The following MAP3K1 variants were observed in gnomAD, a reference collection of about 807,000 sequenced individuals.
MAP3K1 encodes mitogen-activated protein kinase kinase kinase 1, also known as MAP/ERK kinase kinase 1.
MAP3K1 carries 36 observed loss-of-function variants against 144.2 expected under a neutral mutation model. The ratio of observed to expected loss-of-function variants is 0.25; its 90% CI spans 0.19 to 0.33. The LOEUF (loss-of-function observed/expected upper bound fraction) is 0.33. MAP3K1 is among the 10% of genes least tolerant of loss of function. MAP3K1 has a pLI of 1.00. For missense variants in MAP3K1, 1,650 were observed against 1,881.9 expected, an observed-to-expected ratio of 0.88 and a Z score of 2.28; for synonymous variants, 718 against 688.7, an observed-to-expected ratio of 1.04 and a Z score of -0.67.
At chr5:56,841,434 T>C (rs1358564100) in intron 1 of MAP3K1, among the ~76,000 whole-genome samples, 1 of 152,176 alleles carries the variant, frequency 6.6e-6, no homozygotes, top group African/African-American at 2.4e-5. Flanking sequence ...CATACTGATA[T>C]ACTGCCTGAG....
chr5:56,816,735 C>T (rs1745986777), intron 1 of MAP3K1, among the ~76,000 whole-genome samples: 1 of 152,204 alleles, frequency 6.6e-6, no homozygotes, highest in African/African-American at 2.4e-5. Flanking sequence ...GGAGGCTGCA[C>T]ACTCGCGGAG....
chr5:56,876,213 G>A (rs1440300520), intron 10 of MAP3K1, among the ~76,000 whole-genome samples: 6 of 152,092 alleles, frequency 3.9e-5, no homozygotes. Context: ...TGTGTGTACT[G>A]TGGCAGCATC....
chr5:56,846,342 A>G (rs1265575588), intron 1 of MAP3K1, among the ~76,000 whole-genome samples: 1 of 152,206 alleles, frequency 6.6e-6, no homozygotes, highest in Non-Finnish European at 1.5e-5. Context: ...TATTGGCTTC[A>G]TTCTAGTCCA....
rs372575885 is a variant in MAP3K1 at position 56,864,793 on chromosome 5, A to G, written c.894A>G (p.Pro298=). ...RRAPSPDGFS[P]YSPEETNRRV... ...CCCCTTCACCAGATGGCTTCTCACC[A>G]TATAGCCCTGAGGAAACAAACCGCC... is the stretch of plus-strand genomic sequence containing the variant. Residue 298 remains proline (P), a synonymous_variant, in exon 4 of 20, where the codon CCA becomes CCG. Transcript: ENST00000399503. The G allele has an allele frequency of 1.2e-4, 189 of 1,614,026 alleles. 1 individual carries two copies. The highest frequency in any genetic ancestry group is 6.4e-5 in the Non-Finnish European group (76 of 1,180,032).
rs184085489 is a variant in MAP3K1, at chr5:56,821,932, T to C, written c.482+5877T>C. 9.2e-5 allele frequency among the ~76,000 whole-genome samples: 14 copies of C among 152,362 alleles called. No homozygotes were observed. The East Asian group carries it at 2.1e-3, about 23-fold the overall frequency. The stretch of plus-strand genomic sequence containing the variant: ...TTAGTATATCTGAAGATTAACTTAC[T>C]GTAGTGAGATTTTAATCATGATCTA... On this transcript the variant is annotated intron_variant, in intron 1 of 19. Coordinates refer to ENST00000399503, the MANE Select transcript of MAP3K1 (RefSeq NM_005921.2).
chr5:56,879,552 A>T (rs554701529), intron 11 of MAP3K1, among the ~76,000 whole-genome samples: 3,351 of 139,440 alleles, frequency 0.024, 123 homozygotes, highest in African/African-American at 0.08. Context: ...TACTCTACTT[A>T]TGACAGTTTT....
rs1294811921 is a variant in MAP3K1, at chr5:56,881,227, A to G, written c.2324A>G (p.His775Arg). Residue 775 changes from histidine to arginine, a missense_variant, in exon 13 of 20, where the codon CAT (histidine) becomes CGT (arginine). By Grantham distance (29) the His-to-Arg change is conservative. This residue lies in a region of MAP3K1 where 841 missense variants were observed against 886.5 expected (regional missense o/e 0.95). Coordinates refer to ENST00000399503, the MANE Select transcript of MAP3K1 (RefSeq NM_005921.2). The stretch of plus-strand genomic sequence containing the variant: ...GAATTTCCTGCTGAATTTTATCCTC[A>G]TATTGTCAGTACTGATGTTTCACAA... ...LLEFPAEFYPHIVSTDVSQAE... is the reference protein window; with the variant it reads ...LLEFPAEFYPRIVSTDVSQAE... 6.2e-7 allele frequency: 1 copy of G among 1,613,626 alleles called. No homozygotes were observed. The highest frequency in any genetic ancestry group is 1.3e-5 in the African/African-American group (1 of 74,900).
At chr5:56,860,429 G>C (rs1245645247) in intron 3 of MAP3K1, among the ~76,000 whole-genome samples, 1 of 152,030 alleles carries the variant, frequency 6.6e-6, no homozygotes, top group Non-Finnish European at 1.5e-5. Context: ...GGTTGTTAGA[G>C]TTGCAAGCTG....
chr5:56,889,059 A>G (rs1748468848), intron 19 of MAP3K1, among the ~76,000 whole-genome samples: 1 of 152,232 alleles, frequency 6.6e-6, no homozygotes, highest in Admixed American at 6.5e-5. Context: ...TTATATGTAT[A>G]TGTATGTGTG....
rs1440478651 is a variant in MAP3K1, at chr5:56,875,214, C to T, written c.1869C>T (p.Ser623=). The T allele has an allele frequency of 5.6e-6, 9 of 1,613,946 alleles. No individual in the cohort carries two copies. Among genetic ancestry groups the T allele is most frequent in the Non-Finnish European group, 2.5e-6 (3 of 1,179,998 alleles). The change falls in exon 10 of 20, where the codon TCC becomes TCT. Residue 623 remains serine, a synonymous_variant. Transcript: ENST00000399503. ...GTGGGGGAGCCACCAGTGGGTCTTC[C>T]CAGACCAGTATCTCAGGAGATGTGG... ...SPSGGATSGS[S]QTSISGDVVE...
At chr5:56,816,942 C>T (rs946899945) in intron 1 of MAP3K1, 3 of 241,870 alleles carry the variant, frequency 1.2e-5, no homozygotes, top group Admixed American at 6.5e-5. Flanking sequence ...AGTTTCAAAG[C>T]AGTGGTGACT....
chr5:56,883,710 G>T (rs1174530287), intron 15 of MAP3K1, 31 bp downstream of exon 15: 2 of 1,608,808 alleles, frequency 1.2e-6, no homozygotes, highest in South Asian at 2.2e-5. Context: ...TAAATGAAAT[G>T]ACTCAAATCA....
intron 1 of MAP3K1, 152 bp downstream of exon 1, chr5:56,816,207 C>T (rs967040138): frequency 8.8e-6 from 7 of 791,940 alleles, no homozygotes; most frequent in African/African-American, 1.8e-5. Context: ...ACCCCCCGAC[C>T]CCTTCGGAGT....
chr5:56,838,726 G>A (rs1358462625), intron 1 of MAP3K1, among the ~76,000 whole-genome samples: 1 of 152,172 alleles, frequency 6.6e-6, no homozygotes, highest in East Asian at 1.9e-4. Context: ...CATTTGCTGG[G>A]CAGTGATCCC....
chr5:56,870,277 G>A lies in MAP3K1; in HGVS notation c.1302-1633G>A, dbSNP rs116070609. Among the ~76,000 whole-genome samples, 1,291 of 152,262 alleles carry A rather than the reference G, an allele frequency of 8.5e-3. 13 individuals carry two copies. The highest frequency in any genetic ancestry group is 0.028 in the African/African-American group (1,173 of 41,548). ...TGGCATATTCTTCTCAGATAAAAGT[G>A]TAATGATAGATCTGCCACAAACTGA... On this transcript the variant is annotated intron_variant, in intron 6 of 19. Transcript: ENST00000399503.
At position 56,877,385 on chromosome 5, in the gene MAP3K1, A is replaced by C. The variant is rs1241834045; in HGVS notation, c.1966-1595A>C. ...ACTAGCTTATGAGATCCTAGAGCAC[A>C]AAGATTGTATAAAGGATACCAGGCT... On this transcript the variant is annotated intron_variant, in intron 10 of 19. Coordinates refer to ENST00000399503, the MANE Select transcript of MAP3K1 (RefSeq NM_005921.2). 2.6e-5 allele frequency among the ~76,000 whole-genome samples: 4 copies of C among 152,140 alleles called. No individual in the cohort carries two copies. The South Asian group carries it at 6.2e-4, about 24-fold the overall frequency.
intron 10 of MAP3K1, among the ~76,000 whole-genome samples, chr5:56,877,845 A>G (rs1053950965): frequency 1.3e-5 from 2 of 152,112 alleles, no homozygotes; most frequent in African/African-American, 4.8e-5. Context: ...CTTCTCATCC[A>G]TGACAGTTCC....
At chr5:56,875,625 TTCCTCA>T (rs1356428170) in intron 10 of MAP3K1, among the ~76,000 whole-genome samples, 10 of 152,154 alleles carry the variant, frequency 6.6e-5, no homozygotes, top group Non-Finnish European at 1.5e-5. Flanking sequence ...GTAAAGCTCC[TTCCTCA>T]TCCTCCTTTT....
intron 10 of MAP3K1, among the ~76,000 whole-genome samples, chr5:56,875,929 T>C (rs941600027): frequency 6.6e-6 from 1 of 152,192 alleles, no homozygotes; most frequent in African/African-American, 2.4e-5. Context: ...ATAAACATTT[T>C]GATTGATTTT....
Sources: allele counts gnomAD v4.1 joint callset (sites outside exome capture counted in the v4.1 genomes callset), GRCh38; gene constraint gnomAD v4.1.1; regional missense constraint gnomAD v4.1.1; transcripts MANE v1.5; gene names NCBI Gene and HGNC (gene_info 2026-07-23, HGNC 2026-07-21).